The following COMMD1 variants were observed in gnomAD, a reference collection of about 807,000 sequenced individuals.
COMMD1 encodes copper metabolism domain containing 1.
Under a neutral mutation model 17.2 loss-of-function variants are expected in COMMD1, and 10 were observed. The ratio of observed to expected loss-of-function variants is 0.58; its 90% CI spans 0.36 to 0.99. The LOEUF (loss-of-function observed/expected upper bound fraction) is 0.99. Among genes scored for constraint, COMMD1 ranks in the 50% least tolerant of loss-of-function variants. COMMD1 has a pLI of 0.01. For synonymous variants in COMMD1, 97 were observed against 91.6 expected (o/e 1.06, Z -0.34); for missense variants, 270 against 231.8 (o/e 1.17, Z -1.07).
At chr2:62,126,021 T>G (rs1246855303) in intron 2 of COMMD1, among the ~76,000 whole-genome samples, 1 of 152,182 alleles carries the variant, frequency 6.6e-6, no homozygotes, top group Non-Finnish European at 1.5e-5. Flanking sequence ...ACATGTGGTG[T>G]TTGGTTTTCT....
At chr2:62,098,055 G>A (rs573990205) in intron 2 of COMMD1, among the ~76,000 whole-genome samples, 44 of 151,846 alleles carry the variant, frequency 2.9e-4, no homozygotes, top group Admixed American at 9.2e-4. Context: ...TCTTGGGGTC[G>A]CTTAGATCTC....
In COMMD1 at chr2:62,027,654, A is replaced by G. The variant is rs144916479; in HGVS notation, c.462+26672A>G. Among the ~76,000 whole-genome samples, 122 of 45,726 alleles carry G rather than the reference A, an allele frequency of 2.7e-3. 1 individual carries two copies. Among genetic ancestry groups the G allele is most frequent in the East Asian group, 0.024 (31 of 1,312 alleles). 30.0% of individuals were successfully genotyped at this position (45,726 alleles called of 152,430 possible). A position where few individuals can be genotyped will look rare whatever the true frequency, so the allele number is the denominator to read the frequency against. Reference sequence around the variant, plus strand: ...ATGTTATGTTATGTTATGTTATGTTATGTTGTGTTATGTTATGTTATGTTA... The same window carrying G: ...ATGTTATGTTATGTTATGTTATGTTGTGTTGTGTTATGTTATGTTATGTTA... On this transcript the variant is annotated intron_variant, in intron 2 of 2. Coordinates refer to ENST00000311832, the MANE Select transcript of COMMD1 (RefSeq NM_152516.4).
intron 2 of COMMD1, among the ~76,000 whole-genome samples, chr2:62,014,422 T>C (rs758450670): frequency 6.6e-6 from 1 of 151,796 alleles, no homozygotes; most frequent in Non-Finnish European, 1.5e-5. Flanking sequence ...CTTCATTCCA[T>C]GTATGCCACT....
intron 2 of COMMD1, among the ~76,000 whole-genome samples, chr2:62,061,145 T>C (rs919043268): frequency 6.6e-6 from 1 of 152,258 alleles, no homozygotes; most frequent in Admixed American, 6.5e-5. Context: ...TTAATCATAG[T>C]TATCACTGTA....
intron 2 of COMMD1, among the ~76,000 whole-genome samples, chr2:62,118,598 G>A (rs1672662997): frequency 6.6e-6 from 1 of 152,170 alleles, no homozygotes; most frequent in Non-Finnish European, 1.5e-5. Context: ...TAGACTTTGG[G>A]ATATAGCATG....
chr2:62,072,110 ATATATT>A (rs1198491589), intron 2 of COMMD1, among the ~76,000 whole-genome samples: 1 of 151,998 alleles, frequency 6.6e-6, no homozygotes, highest in Non-Finnish European at 1.5e-5. Context: ...ACTACACTAT[ATATATT>A]TATATGTATA....
intron 1 of COMMD1, among the ~76,000 whole-genome samples, chr2:61,933,418 C>A (rs1224394465): frequency 6.6e-6 from 1 of 151,798 alleles, no homozygotes; most frequent in South Asian, 2.1e-4. Flanking sequence ...GCCAAAAAGT[C>A]AACATTTGGG....
intron 2 of COMMD1, among the ~76,000 whole-genome samples, chr2:62,104,891 C>G (rs1672285698): frequency 6.6e-6 from 1 of 151,466 alleles, no homozygotes. Context: ...TTTGGGAGGC[C>G]GAGGTGGGTG....
intron 2 of COMMD1, among the ~76,000 whole-genome samples, chr2:62,025,274 C>G (rs924629819): frequency 6.6e-6 from 1 of 151,326 alleles, no homozygotes; most frequent in Non-Finnish European, 1.5e-5. Flanking sequence ...GGTTCACACC[C>G]CAGTGCTTTG....
At chr2:62,107,692 A>C (rs748178140) in intron 2 of COMMD1, among the ~76,000 whole-genome samples, 3 of 152,204 alleles carry the variant, frequency 2.0e-5, no homozygotes, top group Admixed American at 1.3e-4. Context: ...TGACCACCAC[A>C]TTGCCAACAG....
intron 1 of COMMD1, among the ~76,000 whole-genome samples, chr2:61,908,562 C>T (rs1435729237): frequency 6.6e-6 from 1 of 150,932 alleles, no homozygotes; most frequent in African/African-American, 2.4e-5. Flanking sequence ...GGTTAAATTT[C>T]TCTAATTATT....
At chr2:62,078,900 G>A (rs549687291) in intron 2 of COMMD1, among the ~76,000 whole-genome samples, 2 of 151,380 alleles carry the variant, frequency 1.3e-5, no homozygotes, top group African/African-American at 2.4e-5. Flanking sequence ...AAAAAGAATT[G>A]TGGTGACCAA....
intron 2 of COMMD1, among the ~76,000 whole-genome samples, chr2:62,015,653 T>C (rs1483461611): frequency 3.9e-5 from 6 of 151,970 alleles, no homozygotes. Context: ...ACATGAAGTT[T>C]CCAGTTTCTG....
chr2:61,954,113 G>T (rs1671132157), intron 1 of COMMD1, among the ~76,000 whole-genome samples: 1 of 152,044 alleles, frequency 6.6e-6, no homozygotes, highest in Non-Finnish European at 1.5e-5. Context: ...GGAGGCTGAG[G>T]CAGGAGAATC....
intron 1 of COMMD1, among the ~76,000 whole-genome samples, chr2:61,958,364 T>G (rs1671249630): frequency 6.6e-6 from 1 of 151,992 alleles, no homozygotes; most frequent in African/African-American, 2.4e-5. Context: ...CCTCCTGGGT[T>G]CAAGCTATTC....
chr2:62,068,620 CTTTTTTTTTTT>C (rs67517468), intron 2 of COMMD1, among the ~76,000 whole-genome samples: 1 of 89,240 alleles, frequency 1.1e-5, no homozygotes, highest in Non-Finnish European at 2.1e-5. Context: ...GTAGTATAAT[CTTTTTTTTTTT>C]TTTTTTTTTT....
chr2:61,908,314 C>T (rs557187575), intron 1 of COMMD1, among the ~76,000 whole-genome samples: 2 of 151,830 alleles, frequency 1.3e-5, no homozygotes, highest in Non-Finnish European at 2.9e-5. Flanking sequence ...ACAACCTCCA[C>T]CTCCCGGGTT....
At chr2:62,038,231 T>A (rs1670091201) in intron 2 of COMMD1, among the ~76,000 whole-genome samples, 1 of 152,108 alleles carries the variant, frequency 6.6e-6, no homozygotes, top group South Asian at 2.1e-4. Context: ...GAGGTTGCAG[T>A]CAGCCGAGAT....
intron 2 of COMMD1, among the ~76,000 whole-genome samples, chr2:62,019,100 CT>C (rs1669537475): frequency 2.1e-5 from 2 of 93,648 alleles, no homozygotes; most frequent in African/African-American, 4.3e-5. Context: ...CTCTCTCTCT[CT>C]TCCCTCCCTC....
Sources: gnomAD v4.1 joint callset for allele counts (sites outside exome capture counted in the v4.1 genomes callset) on GRCh38, gnomAD v4.1.1 for gene constraint, MANE v1.5 for transcripts, NCBI Gene and HGNC (gene_info 2026-07-23, HGNC 2026-07-21) for gene names.